The following NXPH1 variants were observed in gnomAD, a reference collection of about 807,000 sequenced individuals.
NXPH1 encodes neurexophilin-1.
Under a neutral mutation model 23.7 loss-of-function variants are expected in NXPH1, and 5 were observed. The ratio of observed to expected loss-of-function variants is 0.21; its 90% CI spans 0.11 to 0.44. The LOEUF (loss-of-function observed/expected upper bound fraction) is 0.44, where lower values mean the gene tolerates loss of function less well. Ranked by LOEUF, NXPH1 falls within the 20% of genes least tolerant of loss-of-function variation. NXPH1 has a pLI of 0.99. For synonymous variants in NXPH1, 144 were observed against 122.2 expected (o/e 1.18, Z -1.18); for missense variants, 324 against 321.6 (o/e 1.01, Z -0.06).
chr7:8,546,881 T>C (rs970010), intron 2 of NXPH1, among the ~76,000 whole-genome samples: 149,509 of 151,460 alleles, frequency 0.99, 73,806 homozygotes, highest in East Asian at 1. Context: ...CTGGTTTACA[T>C]ATTTGAAACC....
At chr7:8,503,788 T>C (rs1563329677) in intron 2 of NXPH1, among the ~76,000 whole-genome samples, 2 of 152,052 alleles carry the variant, frequency 1.3e-5, no homozygotes, top group East Asian at 3.9e-4. Context: ...TGCTGCCCAT[T>C]TAAGGTCCGG....
chr7:8,494,360 C>T (rs1410847949), intron 2 of NXPH1, among the ~76,000 whole-genome samples: 1 of 151,804 alleles, frequency 6.6e-6, no homozygotes, highest in African/African-American at 2.4e-5. Context: ...TCTTTGTATC[C>T]ACCTGTGAGA....
intron 2 of NXPH1, among the ~76,000 whole-genome samples, chr7:8,526,600 G>A (rs1001843423): frequency 6.6e-6 from 1 of 152,176 alleles, no homozygotes; most frequent in African/African-American, 2.4e-5. Flanking sequence ...CCCAAGGGGA[G>A]GTAATTGAAT....
chr7:8,684,329 G>A, intron 2 of NXPH1, among the ~76,000 whole-genome samples: 1 of 152,104 alleles, frequency 6.6e-6, no homozygotes, highest in East Asian at 1.9e-4. Context: ...CTTTTGACAT[G>A]GTATCCTGGC....
At chr7:8,451,780 G>C (rs894142266) in intron 2 of NXPH1, among the ~76,000 whole-genome samples, 1 of 152,210 alleles carries the variant, frequency 6.6e-6, no homozygotes, top group African/African-American at 2.4e-5. Flanking sequence ...TCTTACATGT[G>C]ATTCAATGTT....
chr7:8,453,159 A>T (rs1444373779), intron 2 of NXPH1, among the ~76,000 whole-genome samples: 1 of 152,120 alleles, frequency 6.6e-6, no homozygotes, highest in Non-Finnish European at 1.5e-5. Flanking sequence ...GAGAGGGGGA[A>T]AGGGGAGAGA....
chr7:8,705,561 A>G (rs1476936656), intron 2 of NXPH1, among the ~76,000 whole-genome samples: 2 of 152,266 alleles, frequency 1.3e-5, no homozygotes, highest in East Asian at 1.9e-4. Flanking sequence ...TGAAGAAGAT[A>G]TATGTATCTT....
rs1469483988 is a variant in NXPH1, at chr7:8,752,955, GT to G, written c.*1189del. ...ATAAAAATAAAACACTTAAAGTTGA[GT>G]TTCAATATGTACTTGTGTAAGATGG... On this transcript the variant is annotated 3_prime_UTR_variant, in exon 3 of 3. Transcript: ENST00000405863. The G allele has an allele frequency of 2.0e-5, 3 of 152,472 alleles. No homozygotes were observed. The highest frequency in any genetic ancestry group is 7.2e-5 in the African/African-American group (3 of 41,428). 9.4% of individuals were successfully genotyped at this position (152,472 alleles called of 1,614,324 possible). A position where few individuals can be genotyped will look rare whatever the true frequency, so the allele number is the denominator to read the frequency against.
intron 2 of NXPH1, among the ~76,000 whole-genome samples, chr7:8,498,150 A>AGTT (rs1817370003): frequency 1.3e-5 from 2 of 150,590 alleles, no homozygotes; most frequent in South Asian, 2.1e-4. Flanking sequence ...TACACACGCA[A>AGTT]GTTATTATTA....
At chr7:8,521,519 A>G in intron 2 of NXPH1, among the ~76,000 whole-genome samples, 1 of 152,128 alleles carries the variant, frequency 6.6e-6, no homozygotes, top group East Asian at 1.9e-4. Flanking sequence ...CCACCATGGT[A>G]TCCTTGAAGG....
At chr7:8,615,404 T>C (rs766526493) in intron 2 of NXPH1, among the ~76,000 whole-genome samples, 3 of 151,984 alleles carry the variant, frequency 2.0e-5, no homozygotes, top group African/African-American at 7.2e-5. Flanking sequence ...GTTGAGAGGA[T>C]TCGATGGGAT....
intron 2 of NXPH1, among the ~76,000 whole-genome samples, chr7:8,595,427 T>C (rs1819200595): frequency 6.6e-6 from 1 of 152,026 alleles, no homozygotes; most frequent in African/African-American, 2.4e-5. Context: ...GTTGAAAAGT[T>C]GAAAAATGAC....
chr7:8,632,257 AT>A (rs1376165459), intron 2 of NXPH1, among the ~76,000 whole-genome samples: 1 of 152,170 alleles, frequency 6.6e-6, no homozygotes, highest in East Asian at 1.9e-4. Flanking sequence ...TAACCAACTA[AT>A]TTTAGCTTGA....
intron 2 of NXPH1, among the ~76,000 whole-genome samples, chr7:8,729,939 G>A (rs1489245120): frequency 4.2e-5 from 6 of 143,654 alleles, no homozygotes; most frequent in Non-Finnish European, 6.2e-5. Flanking sequence ...TGACAGTGGG[G>A]TGTTAAAGTC....
chr7:8,668,258 TTTTTTTTTTTTA>T (rs1395961258), intron 2 of NXPH1, among the ~76,000 whole-genome samples: 1 of 80,260 alleles, frequency 1.2e-5, no homozygotes, highest in East Asian at 3.0e-3. Context: ...GTCTCTTTGT[TTTTTTTTTTTTA>T]TTTTGTTGTT....
chr7:8,645,614 AC>A (rs1820386007), intron 2 of NXPH1, among the ~76,000 whole-genome samples: 1 of 151,270 alleles, frequency 6.6e-6, no homozygotes, highest in East Asian at 1.9e-4. Context: ...ATCTCTTTTT[AC>A]TTCTTCTAAT....
chr7:8,459,453 T>C (rs950257071), intron 2 of NXPH1, among the ~76,000 whole-genome samples: 1 of 152,136 alleles, frequency 6.6e-6, no homozygotes, highest in Non-Finnish European at 1.5e-5. Context: ...ATAATTACAG[T>C]TTCATCAGTA....
intron 2 of NXPH1, among the ~76,000 whole-genome samples, chr7:8,541,665 G>A (rs1818118864): frequency 6.6e-6 from 1 of 151,556 alleles, no homozygotes; most frequent in Non-Finnish European, 1.5e-5. Context: ...CAATCACAAT[G>A]TAATATGGAG....
chr7:8,678,554 G>C (rs149547179), intron 2 of NXPH1, among the ~76,000 whole-genome samples: 1,968 of 152,044 alleles, frequency 0.013, 25 homozygotes, highest in South Asian at 0.039. Context: ...GTAGTGGATG[G>C]GCAGCTATGC....
Sources: allele counts gnomAD v4.1 joint callset (sites outside exome capture counted in the v4.1 genomes callset), GRCh38; gene constraint gnomAD v4.1.1; transcripts MANE v1.5; gene names NCBI Gene and HGNC (gene_info 2026-07-23, HGNC 2026-07-21).